Variants in ATAD2 observed in about 807,000 individuals in gnomAD.
ATAD2 encodes ATPase family AAA domain containing 2.
Under a neutral mutation model 168.9 loss-of-function variants are expected in ATAD2, and 62 were observed. The ratio of observed to expected loss-of-function variants is 0.37; its 90% CI spans 0.30 to 0.45. The LOEUF (loss-of-function observed/expected upper bound fraction) is 0.45, where lower values mean the gene tolerates loss of function less well. Among genes scored for constraint, ATAD2 ranks in the 20% least tolerant of loss-of-function variants. ATAD2 has a pLI of 1.00. For synonymous variants in ATAD2, 613 were observed against 571.6 expected (o/e 1.07, Z -1.03); for missense variants, 1,419 against 1,667.8 (o/e 0.85, Z 2.60).
At chr8:123,349,762 G>A (rs1828387529) in intron 13 of ATAD2, among the ~76,000 whole-genome samples, 1 of 151,832 alleles carries the variant, frequency 6.6e-6, no homozygotes, top group African/African-American at 2.4e-5. Flanking sequence ...AAAAAGGCAA[G>A]GCATGGTGGC....
intron 20 of ATAD2, among the ~76,000 whole-genome samples, chr8:123,338,358 GAA>G (rs60724364): frequency 8.3e-6 from 1 of 120,098 alleles, no homozygotes; most frequent in African/African-American, 3.1e-5. Context: ...CCGTCTCAAG[GAA>G]AAAAAAAAAA....
chr8:123,328,418 C>CCG lies in ATAD2; in HGVS notation c.3639_3640insCG (p.Glu1214ArgfsTer27). 1.2e-6 allele frequency: 2 copies of CCG among 1,608,378 alleles called. No homozygotes were observed. The highest frequency in any genetic ancestry group is 1.1e-5 in the South Asian group (1 of 89,000). On this transcript the variant is annotated frameshift_variant, in exon 25 of 28. Transcript: ENST00000287394. LOFTEE classifies it high-confidence loss of function. Reference sequence around the variant, plus strand: ...GAAGACTCTCCTGTGTTTCCGGTCTCATTATGATCTACACTTGTGTCTTGA... The same window carrying CCG: ...GAAGACTCTCCTGTGTTTCCGGTCTCCGATTATGATCTACACTTGTGTCTTGA...
rs150122860 is a variant in ATAD2 at position 123,405,515 on chromosome 8, C to T, written c.-2281-4340G>A. Among the ~76,000 whole-genome samples, 563 of 152,202 alleles carry T rather than the reference C, an allele frequency of 3.7e-3. 2 individuals carry two copies. The highest frequency in any genetic ancestry group is 6.8e-3 in the Middle Eastern group (2 of 294). ...CTGAGCTCAGATGATCTGCCCACCT[C>T]GGCCTTCCGAAGTGCTGGGATTACA... On this transcript the variant is annotated intron_variant, in intron 1 of 28. Coordinates refer to the ATAD2 transcript ENST00000521903.
Position 123,346,141 on chromosome 8 carries a change from T to C in ATAD2, c.2477A>G (p.Asp826Gly). 6.2e-7 allele frequency: 1 copy of C among 1,606,904 alleles called. No homozygotes were observed. Among genetic ancestry groups the C allele is most frequent in the Non-Finnish European group, 8.5e-7 (1 of 1,177,454 alleles). ...ACTAACTCCAAAAAGAACAGGAATG[T>C]CTAATGTATATACAGTAAACTTTTC... ...ALEKFTVYTL[D>G]IPVLFGVSTT... Residue 826 changes from aspartate to glycine, a missense_variant, in exon 18 of 28, where the codon GAC (aspartate) becomes GGC (glycine). This residue lies in a region of ATAD2 where 545 missense variants were observed against 724.9 expected (regional missense o/e 0.75). Transcript: ENST00000287394.
At chr8:123,338,336 CAG>C (rs1374960225) in intron 20 of ATAD2, among the ~76,000 whole-genome samples, 7 of 145,100 alleles carry the variant, frequency 4.8e-5, no homozygotes, top group African/African-American at 1.8e-4. Flanking sequence ...GCCTGGGTGA[CAG>C]AGAGAGACTC....
intron 1 of ATAD2, among the ~76,000 whole-genome samples, chr8:123,403,303 T>TTGCCCAGGCTGGC (rs1415593992): frequency 6.6e-6 from 1 of 152,128 alleles, no homozygotes; most frequent in Non-Finnish European, 1.5e-5. Context: ...TTTTGCCATG[T>TTGCCCAGGCTGGC]TGCCCAGGCT....
chr8:123,346,781 C>T (rs1223121441), intron 16 of ATAD2, 31 bp from the exon 17 acceptor site: 1 of 1,550,620 alleles, frequency 6.4e-7, no homozygotes. Flanking sequence ...ACATTAGTAA[C>T]TTTTGGATTG....
intron 14 of ATAD2, 64 bp downstream of exon 14, chr8:123,349,221 C>G: frequency 6.6e-7 from 1 of 1,522,558 alleles, no homozygotes; most frequent in Non-Finnish European, 8.9e-7. Flanking sequence ...TTTACTATAC[C>G]AAGACTTATT....
intron 6 of ATAD2, 135 bp from the exon 7 acceptor site, chr8:123,370,159 A>G: frequency 1.3e-6 from 1 of 796,032 alleles, no homozygotes; most frequent in South Asian, 1.9e-5. Flanking sequence ...ACAACAAAAA[A>G]AAACCAAACT....
intron 22 of ATAD2, 32 bp from the exon 23 acceptor site, chr8:123,334,354 T>C: frequency 6.8e-7 from 1 of 1,468,286 alleles, no homozygotes; most frequent in South Asian, 1.5e-5. Flanking sequence ...TAATTTTTAA[T>C]TTCCCCCTTT....
intron 2 of ATAD2, among the ~76,000 whole-genome samples, chr8:123,374,860 A>G (rs1246493274): frequency 1.3e-5 from 2 of 152,216 alleles, no homozygotes; most frequent in Non-Finnish European, 1.5e-5. Context: ...GACTATACCT[A>G]ATCACTGGAC....
chr8:123,354,864 A>AAAAATATATATATATATATATAT (rs1554644338), intron 13 of ATAD2, among the ~76,000 whole-genome samples: 1 of 64,714 alleles, frequency 1.5e-5, no homozygotes, highest in African/African-American at 8.7e-5. Context: ...AAAAAAAAAA[A>AAAAATATATATATATATATATAT]ATATATATAT....
intron 15 of ATAD2, 42 bp from the exon 16 acceptor site, chr8:123,347,448 A>T (rs1828287299): frequency 4.0e-6 from 6 of 1,504,978 alleles, no homozygotes; most frequent in Non-Finnish European, 5.4e-6. Context: ...CAGCCGACCA[A>T]ACAAAGAAAC....
At chr8:123,334,387 T>C (rs906051302) in intron 22 of ATAD2, 65 bp from the exon 23 acceptor site, 3 of 1,376,572 alleles carry the variant, frequency 2.2e-6, no homozygotes, top group Non-Finnish European at 2.9e-6. Context: ...AAAAATAAAC[T>C]CAGCATATTA....
At chr8:123,369,280 C>T (rs951697436) in intron 7 of ATAD2, 105 bp from the exon 8 acceptor site, 1 of 335,996 alleles carries the variant, frequency 3.0e-6, no homozygotes, top group Non-Finnish European at 4.7e-6. Flanking sequence ...TACAAAGGTG[C>T]TTATCGCCTT....
chr8:123,388,027 C>T (rs2129916078), intron 1 of ATAD2, among the ~76,000 whole-genome samples: 1 of 152,224 alleles, frequency 6.6e-6, no homozygotes, highest in East Asian at 1.9e-4. Flanking sequence ...GATATCCTTC[C>T]TTAGTTTTGT....
Position 123,357,618 on chromosome 8 carries a change from A to T in ATAD2, c.1501T>A (p.Cys501Ser). ...GATTCTCCTACCCATTTACTTAGAC[A>T]ATCAGCACCTTTCCTCATGAAAAAT... Reference protein sequence around the residue: ...VAFFMRKGADCLSKWVGESER... With the variant: ...VAFFMRKGADSLSKWVGESER... The change falls in exon 12 of 28, where the codon TGT becomes AGT. Residue 501 changes from cysteine (C) to serine (S), a missense_variant. Physicochemically the swap from Cys to Ser is moderately radical, Grantham distance 112 (BLOSUM62 -1). This residue lies in a region of ATAD2 where 6 missense variants were observed against 26.9 expected (regional missense o/e 0.22). Transcript: ENST00000287394. The T allele has an allele frequency of 6.2e-7, 1 of 1,614,092 alleles. No individual in the cohort carries two copies. The highest frequency in any genetic ancestry group is 8.5e-7 in the Non-Finnish European group (1 of 1,180,002).
At chr8:123,390,089 C>G (rs1829784796) in intron 1 of ATAD2, among the ~76,000 whole-genome samples, 1 of 150,434 alleles carries the variant, frequency 6.6e-6, no homozygotes, top group Non-Finnish European at 1.5e-5. Flanking sequence ...AGCAATTCTC[C>G]TGCCTCAGCC....
chr8:123,351,876 T>C (rs1482497607), intron 13 of ATAD2, among the ~76,000 whole-genome samples: 2 of 151,544 alleles, frequency 1.3e-5, no homozygotes, highest in Non-Finnish European at 2.9e-5. Context: ...ACCTCCCGAG[T>C]AGCTGGGACT....
Sources: gnomAD v4.1 joint callset for allele counts (sites outside exome capture counted in the v4.1 genomes callset) on GRCh38, gnomAD v4.1.1 for gene constraint, gnomAD v4.1.1 regional missense constraint, MANE v1.5 for transcripts, NCBI Gene and HGNC (gene_info 2026-07-23, HGNC 2026-07-21) for gene names.